The following MYO5B variants were observed in gnomAD, a reference collection of about 807,000 sequenced individuals.
MYO5B encodes the protein unconventional myosin-Vb.
A neutral mutation model predicts 229.3 loss-of-function variants in MYO5B; 143 were observed. The ratio of observed to expected loss-of-function variants is 0.62; its 90% confidence interval spans 0.54 to 0.72. The LOEUF (loss-of-function observed/expected upper bound fraction) is 0.72. Among genes scored for constraint, MYO5B ranks in the 30% least tolerant of loss-of-function variants. The probability of loss-of-function intolerance (pLI) is 0.00; values close to 1 mark genes in which losing one functional copy is unlikely to be tolerated. For missense variants in MYO5B, 2,321 were observed against 2,331.0 expected (o/e 1.00, Z 0.09); for synonymous variants, 918 against 885.2 (o/e 1.04, Z -0.66).
intron 17 of MYO5B, among the ~76,000 whole-genome samples, chr18:49,915,566 A>G (rs1464388853): frequency 6.6e-6 from 1 of 152,260 alleles, no homozygotes; most frequent in Non-Finnish European, 1.5e-5. Context: ...CACCGAGCAG[A>G]AACTATTTCC....
At chr18:49,978,788 A>G (rs899180636) in intron 9 of MYO5B, among the ~76,000 whole-genome samples, 1 of 151,814 alleles carries the variant, frequency 6.6e-6, no homozygotes, top group African/African-American at 2.4e-5. Flanking sequence ...CCCATGAAAG[A>G]AGAAGTGACC....
chr18:49,867,374 G>A (rs926278653), intron 27 of MYO5B, among the ~76,000 whole-genome samples: 6 of 152,162 alleles, frequency 3.9e-5, no homozygotes, highest in South Asian at 4.1e-4. Context: ...TAGTCCCCAC[G>A]GCGCAGTGAG....
intron 4 of MYO5B, among the ~76,000 whole-genome samples, chr18:50,011,456 T>A (rs1186365888): frequency 6.6e-6 from 1 of 152,078 alleles, no homozygotes; most frequent in African/African-American, 2.4e-5. Flanking sequence ...CAAACACATA[T>A]GCTCAACTGC....
chr18:49,971,690 T>A (rs962018240), intron 10 of MYO5B, among the ~76,000 whole-genome samples: 1 of 152,188 alleles, frequency 6.6e-6, no homozygotes, highest in African/African-American at 2.4e-5. Context: ...CACTTCCATA[T>A]TTAGGGCATG....
intron 1 of MYO5B, among the ~76,000 whole-genome samples, chr18:50,090,543 C>T (rs773682269): frequency 6.6e-6 from 1 of 152,142 alleles, no homozygotes; most frequent in Non-Finnish European, 1.5e-5. Flanking sequence ...AGAATTTACA[C>T]TCAACTGGGA....
chr18:49,857,746 C>T (rs1333819104), intron 29 of MYO5B, among the ~76,000 whole-genome samples: 1 of 152,208 alleles, frequency 6.6e-6, no homozygotes, highest in Non-Finnish European at 1.5e-5. Flanking sequence ...GCAAGGGCAG[C>T]TCCTGGAGGT....
intron 1 of MYO5B, among the ~76,000 whole-genome samples, chr18:50,074,638 T>C (rs1361500846): frequency 2.0e-5 from 3 of 152,202 alleles, no homozygotes; most frequent in African/African-American, 4.8e-5. Flanking sequence ...TAAATCTCAG[T>C]TGAAACATCG....
intron 1 of MYO5B, among the ~76,000 whole-genome samples, chr18:50,088,391 T>C (rs55901816): frequency 0.11 from 16,089 of 152,206 alleles, 1,652 homozygotes; most frequent in African/African-American, 0.27. Flanking sequence ...GATGTGCTAT[T>C]GATTTATTAC....
At chr18:50,133,995 T>G (rs2032295372) in intron 1 of MYO5B, among the ~76,000 whole-genome samples, 1 of 152,086 alleles carries the variant, frequency 6.6e-6, no homozygotes, top group Non-Finnish European at 1.5e-5. Context: ...AAATAAAGGT[T>G]TTTTAAAGAT....
intron 4 of MYO5B, among the ~76,000 whole-genome samples, chr18:50,010,656 A>C (rs1157597610): frequency 6.6e-6 from 1 of 152,224 alleles, no homozygotes; most frequent in Non-Finnish European, 1.5e-5. Flanking sequence ...GTTTAGATGA[A>C]AGTGAGCAAC....
At chr18:49,935,464 A>C (rs2025239041) in intron 16 of MYO5B, among the ~76,000 whole-genome samples, 1 of 152,174 alleles carries the variant, frequency 6.6e-6, no homozygotes, top group South Asian at 2.1e-4. Context: ...ATCAGGTCTC[A>C]TGGGTGGATG....
intron 1 of MYO5B, among the ~76,000 whole-genome samples, chr18:50,077,238 C>T (rs912608263): frequency 7.0e-6 from 1 of 143,412 alleles, no homozygotes; most frequent in Non-Finnish European, 1.5e-5. Context: ...CGGTCTTTCA[C>T]TATTTTTTCT....
At chr18:50,063,026 T>TAA (rs1255162204) in intron 1 of MYO5B, among the ~76,000 whole-genome samples, 2 of 152,156 alleles carry the variant, frequency 1.3e-5, no homozygotes, top group Admixed American at 6.5e-5. Context: ...TGGCACATTT[T>TAA]AAGTGCTTAG....
intron 9 of MYO5B, among the ~76,000 whole-genome samples, chr18:49,978,745 A>ACACACAC (rs1871979069): frequency 7.2e-6 from 1 of 138,336 alleles, no homozygotes; most frequent in African/African-American, 2.7e-5. Context: ...ACACACACAC[A>ACACACAC]AAATGCTCAG....
At chr18:49,913,189 G>A (rs2024976554) in intron 17 of MYO5B, among the ~76,000 whole-genome samples, 1 of 152,168 alleles carries the variant, frequency 6.6e-6, no homozygotes, top group South Asian at 2.1e-4. Context: ...TGTGGGAGGG[G>A]AATCTTTAAA....
At chr18:50,040,080 G>C in intron 3 of MYO5B, 63 bp downstream of exon 3, 2 of 1,543,238 alleles carry the variant, frequency 1.3e-6, no homozygotes, top group Non-Finnish European at 1.8e-6. Context: ...CATTTGAGTT[G>C]AGCAAGTCTA....
At chr18:50,116,941 A>G (rs749973840) in intron 1 of MYO5B, among the ~76,000 whole-genome samples, 1 of 152,204 alleles carries the variant, frequency 6.6e-6, no homozygotes, top group Non-Finnish European at 1.5e-5. Context: ...TATTTCCTAC[A>G]TAAGACTCAC....
chr18:50,140,742 G>A (rs1367249468), intron 1 of MYO5B, among the ~76,000 whole-genome samples: 3 of 152,146 alleles, frequency 2.0e-5, no homozygotes, highest in Non-Finnish European at 4.4e-5. Flanking sequence ...TATAACCACA[G>A]TCCACACACC....
intron 39 of MYO5B, among the ~76,000 whole-genome samples, chr18:49,834,769 G>A (rs1366784113): frequency 6.6e-6 from 1 of 152,022 alleles, no homozygotes; most frequent in Non-Finnish European, 1.5e-5. Flanking sequence ...CTCCCGAGTA[G>A]CTGGGACTAC....
Sources: allele counts gnomAD v4.1 joint callset (sites outside exome capture counted in the v4.1 genomes callset), GRCh38; gene constraint gnomAD v4.1.1; transcripts MANE v1.5; gene names NCBI Gene and HGNC (gene_info 2026-07-23, HGNC 2026-07-21).